Variants in PLCB4 observed in about 807,000 individuals in gnomAD.
PLCB4 encodes phospholipase C beta 4, also known as 1-phosphatidylinositol 4,5-bisphosphate phosphodiesterase beta-4.
A neutral mutation model predicts 178.8 loss-of-function variants in PLCB4; 77 were observed. The observed-to-expected ratio is 0.43, with a 90% confidence interval of 0.36 to 0.52. PLCB4 has a LOEUF of 0.52. Among genes scored for constraint, PLCB4 ranks in the 20% least tolerant of loss-of-function variants. The pLI is 0.00. For missense variants in PLCB4, 1,024 were observed against 1,453.4 expected (o/e 0.70, Z 4.80); for synonymous variants, 496 against 490.8 (o/e 1.01, Z -0.14).
chr20:9,129,156 T>C (rs6108262), intron 2 of PLCB4, among the ~76,000 whole-genome samples: 1 of 152,004 alleles, frequency 6.6e-6, no homozygotes, highest in Admixed American at 6.6e-5. Context: ...TCTCTTCACA[T>C]CCCTGCTTTG....
Position 9,252,476 on chromosome 20 carries a change from C to G in PLCB4, c.-16+35024C>G, listed in dbSNP as rs563497930. 1.3e-3 allele frequency among the ~76,000 whole-genome samples: 199 copies of G among 152,340 alleles called. 1 individual carries two copies. The highest frequency in any genetic ancestry group is 4.5e-3 in the African/African-American group (189 of 41,568). ...TTTAATGTGGGAACTTTAGAAAATA[C>G]TGTTGCCTGCACCCTATCCCAGAAC... On this transcript the variant is annotated intron_variant, in intron 3 of 39. Coordinates refer to ENST00000378473, the MANE Select transcript of PLCB4 (RefSeq NM_001377142.1).
intron 2 of PLCB4, among the ~76,000 whole-genome samples, chr20:9,215,103 A>G (rs2093715250): frequency 6.6e-6 from 1 of 152,172 alleles, no homozygotes; most frequent in South Asian, 2.1e-4. Flanking sequence ...TAAAAGAGTC[A>G]TATAGTTTAA....
At chr20:9,134,863 C>T (rs1254144240) in intron 2 of PLCB4, among the ~76,000 whole-genome samples, 1 of 152,042 alleles carries the variant, frequency 6.6e-6, no homozygotes, top group Non-Finnish European at 1.5e-5. Context: ...AATAGGAAAG[C>T]TAGAAATCGT....
intron 3 of PLCB4, among the ~76,000 whole-genome samples, chr20:9,240,563 G>A (rs552062325): frequency 1.3e-5 from 2 of 152,212 alleles, no homozygotes; most frequent in Admixed American, 6.5e-5. Context: ...GTTCTGTGCT[G>A]TGTCTGAGCT....
chr20:9,078,919 T>G (rs2090010786), intron 1 of PLCB4, among the ~76,000 whole-genome samples: 1 of 152,230 alleles, frequency 6.6e-6, no homozygotes, highest in Non-Finnish European at 1.5e-5. Flanking sequence ...ATTTAGTCCT[T>G]TCATCTGTTT....
At chr20:9,314,696 A>G (rs946826082) in intron 4 of PLCB4, among the ~76,000 whole-genome samples, 3 of 152,120 alleles carry the variant, frequency 2.0e-5, no homozygotes, top group Admixed American at 6.5e-5. Flanking sequence ...AGAACGTAAT[A>G]AATGATCCAA....
At chr20:9,323,987 C>G (rs1041710832) in intron 4 of PLCB4, among the ~76,000 whole-genome samples, 2 of 152,146 alleles carry the variant, frequency 1.3e-5, no homozygotes, top group African/African-American at 2.4e-5. Flanking sequence ...TTTCTCTCCC[C>G]TTTCTCTTTC....
intron 1 of PLCB4, among the ~76,000 whole-genome samples, chr20:9,090,188 T>C (rs186341516): frequency 1.3e-5 from 2 of 151,780 alleles, no homozygotes; most frequent in African/African-American, 2.4e-5. Context: ...AGAAAAACTG[T>C]GAGTGTTATA....
chr20:9,416,116 C>A (rs1202438301), intron 25 of PLCB4, among the ~76,000 whole-genome samples: 1 of 152,198 alleles, frequency 6.6e-6, no homozygotes, highest in Non-Finnish European at 1.5e-5. Flanking sequence ...CGGAGCATGC[C>A]TGCTTTGGAG....
At chr20:9,344,877 C>T (rs2033633893) in intron 7 of PLCB4, among the ~76,000 whole-genome samples, 1 of 152,180 alleles carries the variant, frequency 6.6e-6, no homozygotes, top group Non-Finnish European at 1.5e-5. Context: ...GCTTTCATTT[C>T]CTCTCCTAAA....
chr20:9,247,293 G>T (rs1413352979), intron 3 of PLCB4, among the ~76,000 whole-genome samples: 1 of 152,150 alleles, frequency 6.6e-6, no homozygotes, highest in Non-Finnish European at 1.5e-5. Context: ...CACCTGAAAA[G>T]CTTTTTTAGA....
At chr20:9,410,262 T>C (rs1463668980) in intron 24 of PLCB4, among the ~76,000 whole-genome samples, 1 of 152,166 alleles carries the variant, frequency 6.6e-6, no homozygotes, top group Non-Finnish European at 1.5e-5. Flanking sequence ...GACTGTGACG[T>C]GATAGCTACC....
At position 9,213,424 on chromosome 20, in the gene PLCB4, C is replaced by T. The variant is rs138181909; in HGVS notation, c.-78-3966C>T. Among the ~76,000 whole-genome samples, 38 of 152,198 alleles carry T rather than the reference C, an allele frequency of 2.5e-4. 2 individuals carry two copies. The East Asian group carries it at 6.8e-3, about 27-fold the overall frequency. On this transcript the variant is annotated intron_variant, in intron 2 of 39. Transcript: ENST00000378473. ...CCTCCCAAACTGTTGGGATTACAGG[C>T]GTGAGCCAACATGCCCAGCCAGCGT...
intron 3 of PLCB4, among the ~76,000 whole-genome samples, chr20:9,277,413 G>C (rs970036934): frequency 7.2e-5 from 11 of 151,954 alleles, no homozygotes; most frequent in African/African-American, 2.7e-4. Flanking sequence ...GAGAACATAA[G>C]ATTACTGAGT....
intron 9 of PLCB4, among the ~76,000 whole-genome samples, chr20:9,369,629 T>C (rs2036076007): frequency 2.0e-5 from 3 of 152,214 alleles, no homozygotes; most frequent in African/African-American, 7.2e-5. Flanking sequence ...AAAAATGTAC[T>C]TCTTGAAGTA....
chr20:9,302,888 T>C (rs1387484441), intron 3 of PLCB4, among the ~76,000 whole-genome samples: 1 of 152,062 alleles, frequency 6.6e-6, no homozygotes, highest in Non-Finnish European at 1.5e-5. Flanking sequence ...GATATAAACT[T>C]TTTGTATCCA....
chr20:9,295,371 A>C (rs2147790290), intron 3 of PLCB4, among the ~76,000 whole-genome samples: 1 of 152,218 alleles, frequency 6.6e-6, no homozygotes, highest in Non-Finnish European at 1.5e-5. Flanking sequence ...TCTACTTTTG[A>C]GAGAGGGAAA....
At chr20:9,231,868 T>C (rs2093937146) in intron 3 of PLCB4, among the ~76,000 whole-genome samples, 1 of 152,092 alleles carries the variant, frequency 6.6e-6, no homozygotes, top group Non-Finnish European at 1.5e-5. Flanking sequence ...CATAGCAGCT[T>C]TAGTCATAAT....
chr20:9,418,956 TG>T (rs1434193559), intron 25 of PLCB4, among the ~76,000 whole-genome samples: 6 of 152,204 alleles, frequency 3.9e-5, no homozygotes, highest in Non-Finnish European at 5.9e-5. Context: ...ATTTCATTTT[TG>T]CATGTTCATT....
Sources: gnomAD v4.1 joint callset for allele counts (sites outside exome capture counted in the v4.1 genomes callset) on GRCh38, gnomAD v4.1.1 for gene constraint, MANE v1.5 for transcripts, NCBI Gene and HGNC (gene_info 2026-07-23, HGNC 2026-07-21) for gene names.